LRRC27: variants seen among roughly 807,000 people sequenced by gnomAD.
LRRC27 encodes leucine-rich repeat-containing protein 27.
A neutral mutation model predicts 55.0 loss-of-function variants in LRRC27; 57 were observed. The ratio of observed to expected loss-of-function variants is 1.04; its 90% CI spans 0.84 to 1.29. LRRC27 has a LOEUF of 1.29. Among genes scored for constraint, LRRC27 ranks in the 50% most tolerant of loss-of-function variants. The pLI is 0.00. For missense variants in LRRC27, 721 were observed against 651.5 expected (o/e 1.11, Z -1.16); for synonymous variants, 278 against 251.9 (o/e 1.10, Z -0.98).
chr10:132,357,619 C>T (rs1262963412), intron 8 of LRRC27, among the ~76,000 whole-genome samples: 1 of 152,110 alleles, frequency 6.6e-6, no homozygotes, highest in Admixed American at 6.5e-5. Context: ...AACCCAGTGA[C>T]TTTGCGGGGA....
intron 6 of LRRC27, 82 bp from the exon 7 acceptor site, chr10:132,351,522 CCCT>C (rs2068008677): frequency 6.9e-7 from 1 of 1,452,576 alleles, no homozygotes; most frequent in Non-Finnish European, 9.5e-7. Context: ...GATCCACAGG[CCCT>C]CCTTTTACAT....
In LRRC27 at chr10:132,372,635, G is replaced by T. The variant is rs1475577046; in HGVS notation, c.1417-2431G>T. On this transcript the variant is annotated intron_variant, in intron 10 of 10. Coordinates refer to ENST00000368614, the MANE Select transcript of LRRC27 (RefSeq NM_030626.3). The surrounding 1 kb of genome is among the most constrained non-coding windows in gnomAD (Gnocchi z 4.0). ...GGCCCTGGGTCTGCTTCCCTACTCT[G>T]CCCAGCCCACTGACTCCTCCAGCCT... Among the ~76,000 whole-genome samples, 6 of 152,084 alleles carry T rather than the reference G, an allele frequency of 3.9e-5. No homozygotes were observed. Among genetic ancestry groups the T allele is most frequent in the African/African-American group, 7.2e-5 (3 of 41,402 alleles).
At chr10:132,344,959 G>A (rs1418734722) in intron 5 of LRRC27, 1 of 245,620 alleles carries the variant, frequency 4.1e-6, no homozygotes, top group Non-Finnish European at 8.0e-6. Flanking sequence ...CTTCAGGAAT[G>A]ACTTGATGCT....
chr10:132,333,448 T>G (rs745961016), intron 1 of LRRC27, 29 bp from the exon 2 acceptor site: 12 of 1,132,944 alleles, frequency 1.1e-5, no homozygotes, highest in Middle Eastern at 3.1e-4. Flanking sequence ...AATTAGTTGC[T>G]TCTACGTTTC....
In LRRC27 at chr10:132,380,314, G is replaced by A. The variant is rs2069395111; in HGVS notation, c.*5072G>A. Among the ~76,000 whole-genome samples, 1 of 151,040 alleles carries A rather than the reference G, an allele frequency of 6.6e-6. No individual in the cohort carries two copies. The highest frequency in any genetic ancestry group is 2.4e-5 in the African/African-American group (1 of 40,866). On this transcript the variant is annotated 3_prime_UTR_variant, in exon 11 of 11. Coordinates refer to ENST00000368614, the MANE Select transcript of LRRC27 (RefSeq NM_030626.3). ...TCTGTCTCAAAAAAAAAAAAATGCA[G>A]CATTAAATTATAACTGCATGAAATT...
At chr10:132,336,469 C>G (rs2067138113) in intron 2 of LRRC27, among the ~76,000 whole-genome samples, 1 of 152,178 alleles carries the variant, frequency 6.6e-6, no homozygotes, top group Non-Finnish European at 1.5e-5. Context: ...GTGATTTTTC[C>G]AGTCAGTGTT....
chr10:132,355,780 C>A lies in LRRC27; in HGVS notation c.1074-10C>A, dbSNP rs112131998. On this transcript the variant is annotated splice_polypyrimidine_tract_variant and intron_variant, in intron 7 of 10. Transcript: ENST00000368614. ...CTGTAACTTATGACATTAACCTTCC[C>A]TTTCTCCAGAGAGAAAAGGGCACTG... 3.2e-6 allele frequency: 5 copies of A among 1,543,342 alleles called. No individual in the cohort carries two copies. The highest frequency in any genetic ancestry group is 2.4e-5 in the South Asian group (2 of 83,824).
At chr10:132,371,166 G>T (rs1048616965) in intron 10 of LRRC27, among the ~76,000 whole-genome samples, 1 of 152,236 alleles carries the variant, frequency 6.6e-6, no homozygotes, top group East Asian at 1.9e-4. Flanking sequence ...AGGCATCTGC[G>T]CAGTGCCGCG....
chr10:132,344,176 T>C (rs953354353), intron 4 of LRRC27, among the ~76,000 whole-genome samples: 6 of 152,216 alleles, frequency 3.9e-5, no homozygotes. Context: ...TCTGGTAGTT[T>C]TTATGTGGAA....
chr10:132,352,174 CGCTG>C (rs2068066389), intron 7 of LRRC27, among the ~76,000 whole-genome samples: 1 of 86,410 alleles, frequency 1.2e-5, no homozygotes, highest in African/African-American at 4.0e-5. Context: ...GTGGGGCAGG[CGCTG>C]AGGCCTCCGT....
In LRRC27 at chr10:132,364,709, A is replaced by G. The variant is rs527670505; in HGVS notation, c.1290-715A>G. On this transcript the variant is annotated intron_variant, in intron 9 of 10. Transcript: ENST00000368614. ...CCACGTCCACACCGTGGGGCCCCAC[A>G]CTCATGCAGTCCGCGTCCACACTTA... Among the ~76,000 whole-genome samples the G allele has an allele frequency of 1.1e-3, 4 of 3,492 alleles. No homozygotes were observed. In the East Asian group the frequency reaches 0.026, roughly 22 times the overall value. 2.3% of individuals were successfully genotyped at this position (3,492 alleles called of 152,430 possible).
intron 5 of LRRC27, among the ~76,000 whole-genome samples, chr10:132,347,782 C>T (rs974688643): frequency 6.6e-6 from 1 of 152,166 alleles, no homozygotes; most frequent in African/African-American, 2.4e-5. Flanking sequence ...CCATGTGGAA[C>T]TGCTTTGTGT....
chr10:132,374,960 G>A lies in LRRC27; in HGVS notation c.1417-106G>A. 8.0e-7 allele frequency: 1 copy of A among 1,257,262 alleles called. No homozygotes were observed. Among genetic ancestry groups the A allele is most frequent in the South Asian group, 1.4e-5 (1 of 69,050 alleles). 77.9% of individuals were successfully genotyped at this position (1,257,262 alleles called of 1,614,324 possible). A position where few individuals can be genotyped will look rare whatever the true frequency, so the allele number is the denominator to read the frequency against. On this transcript the variant is annotated intron_variant, in intron 10 of 10. Coordinates refer to ENST00000368614, the MANE Select transcript of LRRC27 (RefSeq NM_030626.3). The surrounding 1 kb of genome is among the most constrained non-coding windows in gnomAD (Gnocchi z 4.4). Reference sequence around the variant, plus strand: ...CCGGGGCAGCGGGGCTGGCTCTGCTGACGCCCACATGGCCTGGGCCCCACG... The same window carrying A: ...CCGGGGCAGCGGGGCTGGCTCTGCTAACGCCCACATGGCCTGGGCCCCACG...
At chr10:132,359,403 C>G (rs1362825321) in intron 8 of LRRC27, among the ~76,000 whole-genome samples, 1 of 152,206 alleles carries the variant, frequency 6.6e-6, no homozygotes, top group East Asian at 1.9e-4. Context: ...AACAGGGAAG[C>G]GGTTCCACGC....
At chr10:132,361,362 G>A (rs1741566845) in intron 8 of LRRC27, 95 bp from the exon 9 acceptor site, 1 of 1,060,244 alleles carries the variant, frequency 9.4e-7, no homozygotes, top group Non-Finnish European at 1.5e-6. Flanking sequence ...ACCTCTTCGT[G>A]GACGAGGAGC....
intron 6 of LRRC27, chr10:132,351,361 C>T (rs1376362834): frequency 4.4e-6 from 2 of 458,836 alleles, no homozygotes; most frequent in East Asian, 3.9e-5. Flanking sequence ...GTCAAGCGTC[C>T]CGGGAAAGTA....
chr10:132,355,874 G>A lies in LRRC27; in HGVS notation c.1158G>A (p.Pro386=), dbSNP rs762532491. The A allele has an allele frequency of 2.4e-5, 38 of 1,554,406 alleles. No individual in the cohort carries two copies. The highest frequency in any genetic ancestry group is 1.7e-4 in the Middle Eastern group (1 of 6,018). Residue 386 remains proline, a synonymous_variant, in exon 8 of 11, where the codon CCG becomes CCA. Coordinates refer to ENST00000368614, the MANE Select transcript of LRRC27 (RefSeq NM_030626.3). ...AAGAGCTCAGCAAACTCCTGCCTCC[G>A]CGGAGGAGCATGGTACGGCACGCGC... ...RKEELSKLLP[P]RRSMVASKIP...
intron 5 of LRRC27, among the ~76,000 whole-genome samples, chr10:132,346,817 CA>C (rs11284441): frequency 0.37 from 56,652 of 151,938 alleles, 10,946 homozygotes; most frequent in East Asian, 0.49. Flanking sequence ...ACTTGTACCC[CA>C]GGGGGAATTT....
intron 10 of LRRC27, among the ~76,000 whole-genome samples, chr10:132,373,354 G>C (rs572186647): frequency 1.5e-4 from 23 of 152,250 alleles, no homozygotes; most frequent in African/African-American, 5.3e-4. Context: ...AGGAGGGCTC[G>C]TCACAAAGGA....
Sources: allele counts gnomAD v4.1 joint callset (sites outside exome capture counted in the v4.1 genomes callset), GRCh38; gene constraint gnomAD v4.1.1; non-coding constraint Gnocchi (gnomAD v3.1); transcripts MANE v1.5; gene names NCBI Gene and HGNC (gene_info 2026-07-23, HGNC 2026-07-21).